The following AVL9 variants were observed in gnomAD, a reference collection of about 807,000 sequenced individuals.
The protein encoded by AVL9 is late secretory pathway protein AVL9 homolog.
A neutral mutation model predicts 79.2 loss-of-function variants in AVL9; 49 were observed. That is an observed-to-expected ratio of 0.62 (90% CI 0.49 to 0.79). AVL9 has a LOEUF of 0.79. Among genes scored for constraint, AVL9 ranks in the 30% least tolerant of loss-of-function variants. The pLI is 0.00. For missense variants in AVL9, 682 were observed against 776.8 expected, an observed-to-expected ratio of 0.88 and a Z score of 1.45; for synonymous variants, 299 against 280.6, an observed-to-expected ratio of 1.07 and a Z score of -0.65.
chr7:32,575,443 T>C (rs913054433), intron 12 of AVL9, among the ~76,000 whole-genome samples: 3 of 152,116 alleles, frequency 2.0e-5, no homozygotes, highest in Admixed American at 6.6e-5. Context: ...AATTCAAGAA[T>C]GAAACACCAA....
rs572354427 is a variant in AVL9 at position 32,573,432 on chromosome 7, C to G, written c.1570+14C>G. On this transcript the variant is annotated intron_variant, in intron 12 of 15. Coordinates refer to ENST00000318709, the MANE Select transcript of AVL9 (RefSeq NM_015060.3). ...CACTGCAATTAGGTAAGAAACCACA[C>G]GGAGCCTACAGCTACCTGTTTTATT... is the stretch of plus-strand genomic sequence containing the variant. 1.9e-6 allele frequency: 3 copies of G among 1,599,584 alleles called. No individual in the cohort carries two copies. The highest frequency in any genetic ancestry group is 4.5e-5 in the East Asian group (2 of 44,742).
At chr7:32,503,369 T>TACACACACACACACACACACACACACAC (rs1237567459) in intron 1 of AVL9, among the ~76,000 whole-genome samples, 1 of 101,332 alleles carries the variant, frequency 9.9e-6, no homozygotes, top group Non-Finnish European at 1.9e-5. Context: ...GAGATATATA[T>TACACACACACACACACACACACACACAC]ATATACACAC....
At position 32,559,000 on chromosome 7, in the gene AVL9, C is replaced by T. The variant is rs370344336; in HGVS notation, c.751C>T (p.Leu251Phe). Residue 251 changes from leucine to phenylalanine, a missense_variant, in exon 10 of 16, where the codon CTT becomes TTT. Physicochemically the swap from Leu to Phe is conservative, Grantham distance 22 (BLOSUM62 0). Coordinates refer to ENST00000318709, the MANE Select transcript of AVL9 (RefSeq NM_015060.3). ...GAAAAGTATGTCTGAAGATGGTGGG[C>T]TTCAGGAAAGTAACCCATGTGCAGA... ...PRKSMSEDGG[L>F]QESNPCADDF... The T allele has an allele frequency of 1.2e-5, 20 of 1,613,574 alleles. No homozygotes were observed. Among genetic ancestry groups the T allele is most frequent in the Non-Finnish European group, 1.5e-5 (18 of 1,179,794 alleles).
At chr7:32,497,426 A>C (rs1288024724) in intron 1 of AVL9, among the ~76,000 whole-genome samples, 1 of 152,210 alleles carries the variant, frequency 6.6e-6, no homozygotes, top group African/African-American at 2.4e-5. Context: ...TAACCTGTAC[A>C]TCAGGTGTTT....
intron 1 of AVL9, among the ~76,000 whole-genome samples, chr7:32,541,611 G>C (rs990011517): frequency 1.3e-5 from 2 of 151,966 alleles, no homozygotes; most frequent in East Asian, 1.9e-4. Context: ...TCACACTTTA[G>C]AAAATTGTCC....
At chr7:32,547,629 T>C (rs1171739591) in intron 3 of AVL9, among the ~76,000 whole-genome samples, 1 of 152,198 alleles carries the variant, frequency 6.6e-6, no homozygotes, top group Admixed American at 6.5e-5. Context: ...ACATTAGAGT[T>C]GCCCATTTTC....
chr7:32,563,553 T>A (rs1790419518), intron 10 of AVL9, among the ~76,000 whole-genome samples: 1 of 150,056 alleles, frequency 6.7e-6, no homozygotes, highest in African/African-American at 2.5e-5. Flanking sequence ...AGATTCTGAA[T>A]TCTTGCCATC....
chr7:32,580,311 C>T, intron 14 of AVL9, 39 bp downstream of exon 14: 1 of 1,493,858 alleles, frequency 6.7e-7, no homozygotes, highest in Non-Finnish European at 9.3e-7. Flanking sequence ...ATTCTTAAGT[C>T]TGAATTTATG....
chr7:32,515,333 T>C lies in AVL9; in HGVS notation c.93+19531T>C, dbSNP rs180815446. ...TCAACCTCTGACAAATCTATTGATA[T>C]TTAGTACCAGCTTTTAGCTGTCTTT... On this transcript the variant is annotated intron_variant, in intron 1 of 15. Coordinates refer to ENST00000318709, the MANE Select transcript of AVL9 (RefSeq NM_015060.3). 2.2e-4 allele frequency among the ~76,000 whole-genome samples: 34 copies of C among 152,364 alleles called. No homozygotes were observed. In the East Asian group the frequency reaches 6.6e-3, roughly 29 times the overall value.
intron 1 of AVL9, among the ~76,000 whole-genome samples, chr7:32,499,204 G>T (rs1224423654): frequency 6.6e-6 from 1 of 151,742 alleles, no homozygotes; most frequent in Non-Finnish European, 1.5e-5. Flanking sequence ...AGACCCTTTG[G>T]CATGAAATAA....
rs762969830 is a variant in AVL9, at chr7:32,584,015, C to T, written c.*108C>T. On this transcript the variant is annotated 3_prime_UTR_variant, in exon 16 of 16. Coordinates refer to ENST00000318709, the MANE Select transcript of AVL9 (RefSeq NM_015060.3). Reference sequence around the variant, plus strand: ...AGATCCACAGCAGGGGACCATATGTCGAACTGTTTACATGGATGTTGCTCT... The same window carrying T: ...AGATCCACAGCAGGGGACCATATGTTGAACTGTTTACATGGATGTTGCTCT... 1.3e-5 allele frequency: 10 copies of T among 788,328 alleles called. No homozygotes were observed. Among genetic ancestry groups the T allele is most frequent in the South Asian group, 2.9e-5 (2 of 69,658 alleles). 48.8% of individuals were successfully genotyped at this position (788,328 alleles called of 1,614,324 possible).
chr7:32,533,920 G>A (rs1788778139), intron 1 of AVL9: 1 of 152,176 alleles, frequency 6.6e-6, no homozygotes, highest in Non-Finnish European at 1.5e-5. Flanking sequence ...TGAACAGAGG[G>A]TATTCCTGAA....
At chr7:32,505,862 C>T (rs959309827) in intron 1 of AVL9, among the ~76,000 whole-genome samples, 17 of 152,088 alleles carry the variant, frequency 1.1e-4, no homozygotes, top group Non-Finnish European at 2.4e-4. Context: ...GGAACCCAGA[C>T]CTCTCTTGGA....
chr7:32,513,782 T>C (rs1251741455), intron 1 of AVL9, among the ~76,000 whole-genome samples: 2 of 152,176 alleles, frequency 1.3e-5, no homozygotes, highest in Non-Finnish European at 2.9e-5. Context: ...TCCCTCAGTA[T>C]TTATTGATCA....
intron 1 of AVL9, among the ~76,000 whole-genome samples, chr7:32,506,925 AG>A (rs982306050): frequency 2.6e-5 from 4 of 152,180 alleles, no homozygotes; most frequent in African/African-American, 9.7e-5. Context: ...AAAAAAACAA[AG>A]ATCAATATCC....
rs562080385 is a variant in AVL9, at chr7:32,566,971, C to CT, written c.1216-3045dup. Among the ~76,000 whole-genome samples the CT allele has an allele frequency of 3.3e-4, 50 of 152,336 alleles. No individual in the cohort carries two copies. The East Asian group carries it at 8.7e-3, about 26-fold the overall frequency. ...TGTTCTGTTTTGCTGAGTCTTAAAA[C>CT]TTTTCTAAAGAGCAGTAGCCATTTC... On this transcript the variant is annotated intron_variant, in intron 10 of 15. Coordinates refer to ENST00000318709, the MANE Select transcript of AVL9 (RefSeq NM_015060.3).
At chr7:32,530,535 A>ACT in intron 1 of AVL9, among the ~76,000 whole-genome samples, 1 of 152,382 alleles carries the variant, frequency 6.6e-6, no homozygotes, top group East Asian at 1.9e-4. Context: ...AATACTTAGT[A>ACT]GGGTTCTCAA....
At chr7:32,528,826 T>C (rs1038543469) in intron 1 of AVL9, among the ~76,000 whole-genome samples, 3 of 151,966 alleles carry the variant, frequency 2.0e-5, no homozygotes, top group East Asian at 1.9e-4. Context: ...CTGGCTAACA[T>C]GGTGAAACTC....
Position 32,558,855 on chromosome 7 carries a change from T to C in AVL9, c.680-74T>C, listed in dbSNP as rs548477822. On this transcript the variant is annotated intron_variant, in intron 9 of 15. Transcript: ENST00000318709. The stretch of plus-strand genomic sequence containing the variant: ...TAGCTTATTAAATTTTATAGGGGAG[T>C]CTACTAATATATAGCTCTCAGGTTC... The C allele has an allele frequency of 9.2e-6, 12 of 1,305,222 alleles. 1 individual carries two copies. In the African/African-American group the frequency reaches 1.8e-4, roughly 19 times the overall value. The allele number at this position is 1,305,222 out of a possible 1,614,324, so 80.9% of individuals were successfully genotyped here. A position where few individuals can be genotyped will look rare whatever the true frequency, so the allele number is the denominator to read the frequency against.
Sources: gnomAD v4.1 joint callset for allele counts (sites outside exome capture counted in the v4.1 genomes callset) on GRCh38, gnomAD v4.1.1 for gene constraint, MANE v1.5 for transcripts, NCBI Gene and HGNC (gene_info 2026-07-23, HGNC 2026-07-21) for gene names.